Variants in STAP1 observed in about 807,000 individuals in gnomAD.
The protein encoded by STAP1 is signal-transducing adaptor protein 1.
In STAP1, 30 loss-of-function variants were observed where a neutral mutation model predicts 37.8. The ratio of observed to expected loss-of-function variants is 0.79; its 90% CI spans 0.59 to 1.08. The LOEUF is 1.08. Among genes scored for constraint, STAP1 ranks in the 50% least tolerant of loss-of-function variants. The pLI is 0.00. For missense variants in STAP1, 357 were observed against 349.4 expected, an observed-to-expected ratio of 1.02 and a Z score of -0.17; for synonymous variants, 130 against 116.0, an observed-to-expected ratio of 1.12 and a Z score of -0.78.
chr4:67,566,845 C>T (rs1250438008), intron 1 of STAP1, among the ~76,000 whole-genome samples: 2 of 152,154 alleles, frequency 1.3e-5, no homozygotes, highest in African/African-American at 2.4e-5. Flanking sequence ...TGGAACATGC[C>T]TGTAGTCCTA....
At chr4:67,570,664 GAAAGA>G (rs964955876) in intron 1 of STAP1, among the ~76,000 whole-genome samples, 1 of 135,918 alleles carries the variant, frequency 7.4e-6, no homozygotes, top group African/African-American at 2.7e-5. Context: ...TCTGAAAAAA[GAAAGA>G]AAAGAAAAGA....
chr4:67,577,298 T>G (rs1460006753), intron 4 of STAP1, 39 bp downstream of exon 4: 2 of 1,565,606 alleles, frequency 1.3e-6, no homozygotes, highest in Non-Finnish European at 1.7e-6. Flanking sequence ...CTTTTTTTTT[T>G]TCAACAAATA....
chr4:67,578,707 T>A (rs1438274700), intron 4 of STAP1, among the ~76,000 whole-genome samples: 1 of 152,238 alleles, frequency 6.6e-6, no homozygotes, highest in East Asian at 1.9e-4. Flanking sequence ...ACTAAGTATG[T>A]ATAAAGTTTT....
intron 5 of STAP1, among the ~76,000 whole-genome samples, chr4:67,582,899 G>C (rs1376683007): frequency 1.3e-5 from 2 of 152,086 alleles, no homozygotes; most frequent in Non-Finnish European, 1.5e-5. Context: ...TAATGTAAGT[G>C]TTCTAAGCAT....
Position 67,581,333 on chromosome 4 carries a change from T to C in STAP1, c.392T>C (p.Leu131Pro). ...ELSVPQNVSL[L>P]PGQVIKLHEV... The stretch of plus-strand genomic sequence containing the variant: ...TCAGTTCCCCAAAACGTGTCACTCC[T>C]ACCTGGGCAAGTAATTAAACTGCAT... Residue 131 changes from leucine to proline, a missense_variant, in exon 5 of 9, where the codon CTA (leucine) becomes CCA (proline). Physicochemically the swap from Leu to Pro is moderately conservative, Grantham distance 98. Transcript: ENST00000265404. 6.2e-7 allele frequency: 1 copy of C among 1,613,770 alleles called. No homozygotes were observed. Among genetic ancestry groups the C allele is most frequent in the Non-Finnish European group, 8.5e-7 (1 of 1,179,886 alleles).
chr4:67,562,104 GAAAGAAAGAAAAGAA>G (rs1323541824), intron 1 of STAP1, among the ~76,000 whole-genome samples: 335 of 141,144 alleles, frequency 2.4e-3, no homozygotes, highest in African/African-American at 8.5e-3. Flanking sequence ...AAGAAAGAGA[GAAAGAAAGAAAAGAA>G]AAAGAAAGAA....
At position 67,581,370 on chromosome 4, in the gene STAP1, G is replaced by A. The variant is rs1560461366; in HGVS notation, c.429G>A (p.Glu143=). The part of the protein sequence containing the change: ...GQVIKLHEVL[E]REKKRRIETE... ...TAATTAAACTGCATGAAGTCCTAGA[G>A]AGAGAAAAGAAAAGGAGGATTGAGA... Residue 143 remains glutamate (E), a synonymous_variant, in exon 5 of 9, where the codon GAG becomes GAA. Transcript: ENST00000265404. 6.2e-7 allele frequency: 1 copy of A among 1,614,084 alleles called. No individual in the cohort carries two copies. Among genetic ancestry groups the A allele is most frequent in the Non-Finnish European group, 8.5e-7 (1 of 1,179,988 alleles).
chr4:67,575,233 C>G, intron 2 of STAP1, 152 bp from the exon 3 acceptor site: 1 of 541,814 alleles, frequency 1.8e-6, no homozygotes, highest in Non-Finnish European at 3.1e-6. Context: ...CCACATAATA[C>G]ATTTCCACAT....
intron 8 of STAP1, among the ~76,000 whole-genome samples, chr4:67,603,599 A>C (rs1728390187): frequency 6.6e-6 from 1 of 152,066 alleles, no homozygotes; most frequent in Non-Finnish European, 1.5e-5. Flanking sequence ...TAGGTGATGA[A>C]TACTGCCAGG....
chr4:67,572,654 A>T (rs1193659840), intron 2 of STAP1, among the ~76,000 whole-genome samples: 1 of 152,228 alleles, frequency 6.6e-6, no homozygotes, highest in Non-Finnish European at 1.5e-5. Context: ...AATCTCTAAA[A>T]TCAGAATAAA....
In STAP1 at chr4:67,577,251, G is replaced by A. The variant is rs774239141; in HGVS notation, c.355G>A (p.Val119Ile). 2 of 1,606,398 alleles carry A rather than the reference G, an allele frequency of 1.2e-6. No individual in the cohort carries two copies. Among genetic ancestry groups the A allele is most frequent in the Non-Finnish European group, 1.7e-6 (2 of 1,176,898 alleles). The stretch of plus-strand genomic sequence containing the variant: ...AGAATGGAGAGGCTTCATTCTTACA[G>A]TAACAGAGGTAGGAAGCTCACTGCT... ...GEEWRGFILT[V>I]TELSVPQNVS... Residue 119 changes from valine to isoleucine, a missense_variant, in exon 4 of 9, where the codon GTA (valine) becomes ATA (isoleucine). Transcript: ENST00000265404.
At chr4:67,586,275 G>A (rs182708618) in intron 6 of STAP1, among the ~76,000 whole-genome samples, 22 of 152,110 alleles carry the variant, frequency 1.4e-4, no homozygotes, top group African/African-American at 4.6e-4. Context: ...TGACCAACAT[G>A]GTGAAACCCT....
chr4:67,581,018 G>T (rs146250432), intron 4 of STAP1, among the ~76,000 whole-genome samples: 1 of 152,302 alleles, frequency 6.6e-6, no homozygotes, highest in African/African-American at 2.4e-5. Context: ...GTTGTTACTT[G>T]AATTAGCTTT....
At chr4:67,605,799 C>A (rs1458023007) in intron 8 of STAP1, among the ~76,000 whole-genome samples, 1 of 152,148 alleles carries the variant, frequency 6.6e-6, no homozygotes, top group Non-Finnish European at 1.5e-5. Context: ...GGCTGTGGCA[C>A]AGTGAGACTG....
chr4:67,577,655 T>C (rs373610588), intron 4 of STAP1, among the ~76,000 whole-genome samples: 46 of 89,176 alleles, frequency 5.2e-4, no homozygotes, highest in Middle Eastern at 6.2e-3. Context: ...TTCTTTCTTT[T>C]TTTTTTTTTT....
intron 8 of STAP1, among the ~76,000 whole-genome samples, chr4:67,598,127 C>A (rs1728264280): frequency 6.6e-6 from 1 of 152,078 alleles, no homozygotes; most frequent in African/African-American, 2.4e-5. Flanking sequence ...GGCAGTTTCT[C>A]CCATGCTGTT....
At chr4:67,605,546 C>T (rs1306862850) in intron 8 of STAP1, among the ~76,000 whole-genome samples, 1 of 152,024 alleles carries the variant, frequency 6.6e-6, no homozygotes, top group African/African-American at 2.4e-5. Context: ...TGGGGAATGA[C>T]ATAAGAACAG....
chr4:67,577,359 G>A, intron 4 of STAP1, 100 bp downstream of exon 4: 1 of 1,019,834 alleles, frequency 9.8e-7, no homozygotes, highest in Non-Finnish European at 1.4e-6. Context: ...TGAAGATATA[G>A]CAATTGAAAA....
chr4:67,604,442 T>G (rs1032612268), intron 8 of STAP1, among the ~76,000 whole-genome samples: 6 of 152,332 alleles, frequency 3.9e-5, no homozygotes, highest in Admixed American at 3.9e-4. Context: ...GAGGGTTCTA[T>G]TTGGCCATCT....
Sources: allele counts gnomAD v4.1 joint callset (sites outside exome capture counted in the v4.1 genomes callset), GRCh38; gene constraint gnomAD v4.1.1; transcripts MANE v1.5; gene names NCBI Gene and HGNC (gene_info 2026-07-23, HGNC 2026-07-21).